The following GBGT1 variants were observed in gnomAD, a reference collection of about 807,000 sequenced individuals.
GBGT1 encodes globoside alpha-1,3-N-acetylgalactosaminyltransferase 1 (FORS blood group).
A neutral mutation model predicts 20.9 loss-of-function variants in GBGT1; 18 were observed. The ratio of observed to expected loss-of-function variants is 0.86; its 90% confidence interval spans 0.60 to 1.28. The LOEUF (loss-of-function observed/expected upper bound fraction) is 1.28, where lower values mean the gene tolerates loss of function less well. Among genes scored for constraint, GBGT1 ranks in the 50% most tolerant of loss-of-function variants. The pLI, the probability that GBGT1 is intolerant of heterozygous loss-of-function variation, is 0.00. For missense variants in GBGT1, 432 were observed against 455.7 expected, an observed-to-expected ratio of 0.95 and a Z score of 0.47; for synonymous variants, 168 against 180.8, an observed-to-expected ratio of 0.93 and a Z score of 0.57.
chr9:133,161,572 C>T lies in GBGT1; in HGVS notation c.72-40G>A, dbSNP rs1406923687. On this transcript the variant is annotated intron_variant, in intron 2 of 6. Transcript: ENST00000372040. ...AAGAAAAAAAATCTGTTGATCCACT[C>T]TGCACCAGAGGCTGAAAACGCACCT... 4 of 1,455,212 alleles carry T rather than the reference C, an allele frequency of 2.7e-6. No individual in the cohort carries two copies. The East Asian group carries it at 9.5e-5, about 34-fold the overall frequency. 90.1% of individuals were successfully genotyped at this position (1,455,212 alleles called of 1,614,324 possible).
At chr9:133,156,149 C>G in intron 3 of GBGT1, 84 bp from the exon 4 acceptor site, 1 of 1,506,982 alleles carries the variant, frequency 6.6e-7, no homozygotes, top group Non-Finnish European at 9.1e-7. Context: ...AGTCAGAGGC[C>G]CCTGCGGGTG....
intron 3 of GBGT1, 43 bp from the exon 4 acceptor site, chr9:133,156,108 G>A (rs1832862753): frequency 6.2e-7 from 1 of 1,609,294 alleles, no homozygotes; most frequent in Non-Finnish European, 8.5e-7. Context: ...TGGGTCTGGG[G>A]ACAGAGACAC....
At chr9:133,157,928 C>G (rs1281499099) in intron 3 of GBGT1, among the ~76,000 whole-genome samples, 1 of 152,226 alleles carries the variant, frequency 6.6e-6, no homozygotes, top group Non-Finnish European at 1.5e-5. Context: ...GGGCAGATCA[C>G]AAGGTCGAGA....
intron 1 of GBGT1, among the ~76,000 whole-genome samples, chr9:133,162,782 G>T (rs550315278): frequency 2.0e-5 from 3 of 152,166 alleles, no homozygotes; most frequent in Non-Finnish European, 4.4e-5. Context: ...TGATCCACCC[G>T]CCTCGGCCTC....
At chr9:133,158,120 G>A (rs1832926667) in intron 3 of GBGT1, among the ~76,000 whole-genome samples, 1 of 152,060 alleles carries the variant, frequency 6.6e-6, no homozygotes, top group Non-Finnish European at 1.5e-5. Context: ...ACTCCAGCCT[G>A]GCGACAGAGC....
chr9:133,160,656 T>C (rs920593786), intron 3 of GBGT1, among the ~76,000 whole-genome samples: 1 of 151,868 alleles, frequency 6.6e-6, no homozygotes, highest in African/African-American at 2.4e-5. Context: ...CCGAGAGCAA[T>C]TGGTGGTGGG....
intron 3 of GBGT1, among the ~76,000 whole-genome samples, chr9:133,156,635 G>A (rs1031543171): frequency 1.5e-4 from 23 of 149,838 alleles, no homozygotes; most frequent in Non-Finnish European, 1.6e-4. Flanking sequence ...ACTACAGCCT[G>A]TGTGACAGAG....
chr9:133,153,672 C>G lies in GBGT1; in HGVS notation c.949G>C (p.Glu317Gln), dbSNP rs151100399. The G allele has an allele frequency of 1.4e-5, 23 of 1,613,188 alleles. No homozygotes were observed. In the African/African-American group the frequency reaches 2.1e-4, roughly 15 times the overall value. The change falls in exon 7 of 7, where the codon GAG becomes CAG. Residue 317 changes from glutamate (E) to glutamine (Q), a missense_variant. Physicochemically the swap from Glu to Gln is conservative, Grantham distance 29. Transcript: ENST00000372040. ...GGCTTCCTGTCGTCCCAGAGGTACT[C>G]GGGGGACAGCACCTTGGACGGCTTG... ...SNKPSKVLSP[E>Q]YLWDDRKPQP...
rs143311339 is a variant in GBGT1, at chr9:133,153,949, C to T, written c.672G>A (p.Val224=). 2,337 of 1,611,640 alleles carry T rather than the reference C, an allele frequency of 1.5e-3. 4 individuals are homozygous for T. The highest frequency in any genetic ancestry group is 2.4e-3 in the Admixed American group (144 of 59,982). ...PWGPETLGDL[V]AAIHPSYYAV... The stretch of plus-strand genomic sequence containing the variant: ...CGTAGTAGCTTGGGTGAATGGCAGC[C>T]ACCAGGTCTCCCAAGGTCTCAGGGC... Residue 224 remains valine (V), a synonymous_variant, in exon 7 of 7, where the codon GTG becomes GTA. Transcript: ENST00000372040.
rs1046026352 is a variant in GBGT1 at position 133,153,269 on chromosome 9, C to T, written c.*308G>A. ...GCGGCAGGGTTCAGGCACTCTGAGT[C>T]GGGCTGAGGCTTCAGAGCCTGCCCC... On this transcript the variant is annotated 3_prime_UTR_variant, in exon 7 of 7. Coordinates refer to ENST00000372040, the MANE Select transcript of GBGT1 (RefSeq NM_021996.6). The T allele has an allele frequency of 1.1e-4, 31 of 291,044 alleles. No homozygotes were observed. Among genetic ancestry groups the T allele is most frequent in the Admixed American group, 8.9e-4 (18 of 20,114 alleles). 18.0% of individuals were successfully genotyped at this position (291,044 alleles called of 1,614,324 possible).
In GBGT1 at chr9:133,162,548, T is replaced by C; in HGVS notation, c.-120-16A>G. ...CCAGGAACACCTGCAAAGGAACACT[T>C]TTGTTGTTTTGAGATAGAGTTTCAC... is the stretch of plus-strand genomic sequence containing the variant. On this transcript the variant is annotated splice_polypyrimidine_tract_variant and intron_variant, in intron 1 of 6. Transcript: ENST00000372040. 2 of 701,580 alleles carry C rather than the reference T, an allele frequency of 2.9e-6. No homozygotes were observed. The highest frequency in any genetic ancestry group is 5.1e-6 in the Non-Finnish European group (2 of 393,010). The allele number at this position is 701,580 out of a possible 1,614,324, so 43.5% of individuals were successfully genotyped here.
At position 133,162,419 on chromosome 9, in the gene GBGT1, G is replaced by T. The variant is rs1482506487; in HGVS notation, c.-7C>A. 2.5e-6 allele frequency: 4 copies of T among 1,600,850 alleles called. No individual in the cohort carries two copies. The Admixed American group carries it at 6.9e-5, about 28-fold the overall frequency. On this transcript the variant is annotated 5_prime_UTR_variant, in exon 2 of 7. Coordinates refer to ENST00000372040, the MANE Select transcript of GBGT1 (RefSeq NM_021996.6). ...CCAGTCTCCGGCGATGCATTGCTGG[G>T]GGCTGCACCTGAGCCTGGGCACTTG...
rs1832773262 is a variant in GBGT1 at position 133,153,606 on chromosome 9, C to A, written c.1015G>T (p.Asp339Tyr). The change falls in exon 7 of 7, where the codon GAC becomes TAC. Residue 339 changes from aspartate to tyrosine, a missense_variant. Physicochemically the swap from Asp to Tyr is radical, Grantham distance 160. Transcript: ENST00000372040. ...SLKLIRFSTL[D>Y]KDISCLRS ...CTCCTCAGGCAGCTGATATCCTTGTCCAGTGTAGAAAAGCGGATCAGCTTC... is the reference window on the plus strand; with the variant it reads ...CTCCTCAGGCAGCTGATATCCTTGTACAGTGTAGAAAAGCGGATCAGCTTC... The A allele has an allele frequency of 1.9e-6, 3 of 1,572,300 alleles. No individual in the cohort carries two copies. In the East Asian group the frequency reaches 6.8e-5, roughly 35 times the overall value.
chr9:133,163,028 A>G (rs1207876843), intron 1 of GBGT1: 2 of 153,714 alleles, frequency 1.3e-5, no homozygotes, highest in Non-Finnish European at 2.9e-5. Flanking sequence ...AGGGGCTGGG[A>G]CCGACTTCGC....
chr9:133,155,149 TC>T, intron 6 of GBGT1, 28 bp downstream of exon 6: 1 of 1,602,616 alleles, frequency 6.2e-7, no homozygotes, highest in Non-Finnish European at 8.5e-7. Context: ...CAGGGAGACC[TC>T]CCTCCCCTTC....
intron 4 of GBGT1, 37 bp downstream of exon 4, chr9:133,155,978 C>G: frequency 6.2e-7 from 1 of 1,613,556 alleles, no homozygotes; most frequent in South Asian, 1.1e-5. Context: ...AGCCACCACC[C>G]TCACGGCCAC....
Position 133,161,488 on chromosome 9 carries a change from T to C in GBGT1, c.116A>G (p.Tyr39Cys), listed in dbSNP as rs975499104. The C allele has an allele frequency of 3.1e-6, 5 of 1,610,378 alleles. No homozygotes were observed. The African/African-American group carries it at 6.7e-5, about 22-fold the overall frequency. Residue 39 changes from tyrosine (Y) to cysteine (C), a missense_variant, in exon 3 of 7, where the codon TAT becomes TGT. Transcript: ENST00000372040. ...TTACAAGATCTCTGGGCAGGGGAGA[T>C]AATAGGGGACATAGGAGACTGGCAG... The part of the protein sequence containing the change: ...NWLPVSYVPY[Y>C]LPCPEIFNMK...
Position 133,153,461 on chromosome 9 carries a change from C to G in GBGT1, c.*116G>C. The stretch of plus-strand genomic sequence containing the variant: ...ACAGTGGCCTTTCCACGTCCCTTTT[C>G]CGGTTGAATTCGCCTGACTGACAGG... On this transcript the variant is annotated 3_prime_UTR_variant, in exon 7 of 7. Coordinates refer to ENST00000372040, the MANE Select transcript of GBGT1 (RefSeq NM_021996.6). 1.4e-6 allele frequency: 1 copy of G among 717,246 alleles called. No individual in the cohort carries two copies. The highest frequency in any genetic ancestry group is 2.3e-6 in the Non-Finnish European group (1 of 431,574). The allele number at this position is 717,246 out of a possible 1,614,324, so 44.4% of individuals were successfully genotyped here. A position where few individuals can be genotyped will look rare whatever the true frequency, so the allele number is the denominator to read the frequency against.
At position 133,155,283 on chromosome 9, in the gene GBGT1, C is replaced by T. The variant is rs1832838242; in HGVS notation, c.254G>A (p.Trp85Ter). ...TCCCTCGGAGACGATGGGCGCCAAC[C>T]AGGGTGTGAGTGTCAGCAGCTGTGT... ...RPTQLLTLTPWLAPIVSEGTF... is the reference protein window; with the variant it reads ...RPTQLLTLTP The change falls in exon 6 of 7, where the codon TGG becomes TAG. Residue 85 changes from tryptophan to a stop codon, truncating the protein, a stop_gained. Transcript: ENST00000372040. LOFTEE classifies it high-confidence loss of function. The T allele has an allele frequency of 6.2e-7, 1 of 1,613,838 alleles. No individual in the cohort carries two copies. The highest frequency in any genetic ancestry group is 1.1e-5 in the South Asian group (1 of 91,078).
Sources: allele counts gnomAD v4.1 joint callset (sites outside exome capture counted in the v4.1 genomes callset), GRCh38; gene constraint gnomAD v4.1.1; transcripts MANE v1.5; gene names NCBI Gene and HGNC (gene_info 2026-07-23, HGNC 2026-07-21).